NR5A2: variants seen among roughly 807,000 people sequenced by gnomAD.
NR5A2 encodes the protein nuclear receptor subfamily 5 group A member 2.
A neutral mutation model predicts 62.7 loss-of-function variants in NR5A2; 26 were observed. The observed-to-expected ratio is 0.41, with a 90% CI of 0.30 to 0.58. The LOEUF (loss-of-function observed/expected upper bound fraction) is 0.58. Ranked by LOEUF, NR5A2 falls within the 20% of genes least tolerant of loss-of-function variation. The pLI is 0.22. For synonymous variants in NR5A2, 246 were observed against 241.7 expected, an observed-to-expected ratio of 1.02 and a Z score of -0.16; for missense variants, 541 against 669.1, an observed-to-expected ratio of 0.81 and a Z score of 2.11.
At chr1:200,141,068 C>A (rs1221707500) in intron 7 of NR5A2, among the ~76,000 whole-genome samples, 28 of 151,902 alleles carry the variant, frequency 1.8e-4, no homozygotes, top group Admixed American at 1.8e-3. Context: ...AGGAAAATGG[C>A]ATTGGTATAG....
intron 7 of NR5A2, among the ~76,000 whole-genome samples, chr1:200,150,476 T>G (rs1653027418): frequency 6.6e-6 from 1 of 152,210 alleles, no homozygotes; most frequent in Admixed American, 6.5e-5. Context: ...GTTAAATAAT[T>G]CATACATTTG....
chr1:200,067,373 AT>A (rs1262523692), intron 5 of NR5A2, among the ~76,000 whole-genome samples: 1 of 152,240 alleles, frequency 6.6e-6, no homozygotes, highest in Non-Finnish European at 1.5e-5. Flanking sequence ...CCTAACCAAC[AT>A]GGAGAAACCC....
chr1:200,133,548 CACAT>C (rs1667071292), intron 7 of NR5A2, among the ~76,000 whole-genome samples: 1 of 132,786 alleles, frequency 7.5e-6, no homozygotes, highest in Non-Finnish European at 1.6e-5. Flanking sequence ...TATATATATA[CACAT>C]ATATACACAC....
chr1:200,143,459 A>T (rs1261922718), intron 7 of NR5A2, among the ~76,000 whole-genome samples: 2 of 151,464 alleles, frequency 1.3e-5, no homozygotes, highest in African/African-American at 4.8e-5. Flanking sequence ...TCCTTCTAAT[A>T]GCCTCCTTTT....
intron 7 of NR5A2, among the ~76,000 whole-genome samples, chr1:200,146,971 T>G (rs1307759380): frequency 6.6e-6 from 1 of 152,116 alleles, no homozygotes; most frequent in African/African-American, 2.4e-5. Context: ...CTTTTTTTTT[T>G]TTCTGGTTCC....
rs1170390048 is a variant in NR5A2 at position 200,048,179 on chromosome 1, G to A, written c.471G>A (p.Arg157=). Residue 157 remains arginine (R), a synonymous_variant, in exon 5 of 8, where the codon AGG becomes AGA. Coordinates refer to ENST00000367362, the MANE Select transcript of NR5A2 (RefSeq NM_205860.3). The surrounding 1 kb of genome is among the most constrained non-coding windows in gnomAD (Gnocchi z 4.8). ...LSVGMKLEAV[R]ADRMRGGRNK... Reference sequence around the variant, plus strand: ...CCACCCCACCCCCAACAGCTGTAAGGGCCGACCGAATGCGTGGAGGAAGGA... The same window carrying A: ...CCACCCCACCCCCAACAGCTGTAAGAGCCGACCGAATGCGTGGAGGAAGGA... 6.2e-7 allele frequency: 1 copy of A among 1,605,934 alleles called. No individual in the cohort carries two copies. Among genetic ancestry groups the A allele is most frequent in the African/African-American group, 1.3e-5 (1 of 74,496 alleles).
At chr1:200,056,776 C>A (rs935992103) in intron 5 of NR5A2, among the ~76,000 whole-genome samples, 1 of 152,094 alleles carries the variant, frequency 6.6e-6, no homozygotes, top group Non-Finnish European at 1.5e-5. Flanking sequence ...GCGTCCTGTT[C>A]GTATTAACCT....
rs1034556856 is a variant in NR5A2 at position 200,061,745 on chromosome 1, C to G, written c.1110+12927C>G. On this transcript the variant is annotated intron_variant, in intron 5 of 7. Coordinates refer to ENST00000367362, the MANE Select transcript of NR5A2 (RefSeq NM_205860.3). ...CAACCTGAGATCTTAAGGTCCTGGT[C>G]TCTGTCTTTCATTTTTGGGAGCACA... is the stretch of plus-strand genomic sequence containing the variant. Among the ~76,000 whole-genome samples, 4 of 152,272 alleles carry G rather than the reference C, an allele frequency of 2.6e-5. No individual in the cohort carries two copies. In the East Asian group the frequency reaches 5.8e-4, roughly 22 times the overall value.
intron 7 of NR5A2, among the ~76,000 whole-genome samples, chr1:200,125,961 G>A (rs1420237016): frequency 4.0e-5 from 6 of 151,812 alleles, no homozygotes; most frequent in Admixed American, 6.6e-5. Flanking sequence ...TGATCCTCTC[G>A]CCTCAGCCTC....
chr1:200,027,803 T>A lies in NR5A2; in HGVS notation c.-45T>A. 1.4e-6 allele frequency: 2 copies of A among 1,457,248 alleles called. No individual in the cohort carries two copies. Among genetic ancestry groups the A allele is most frequent in the Non-Finnish European group, 9.5e-7 (1 of 1,056,916 alleles). 90.3% of individuals were successfully genotyped at this position (1,457,248 alleles called of 1,614,324 possible). A position where few individuals can be genotyped will look rare whatever the true frequency, so the allele number is the denominator to read the frequency against. On this transcript the variant is annotated 5_prime_UTR_variant, in exon 1 of 8. An upstream start codon of the reference 5' UTR is lost. Coordinates refer to ENST00000367362, the MANE Select transcript of NR5A2 (RefSeq NM_205860.3). ...CAAGCTGCACTTTTCTTTTGCTCAA[T>A]GATTTCTGCTTTAAGCCAAAGAACT... is the stretch of plus-strand genomic sequence containing the variant.
intron 1 of NR5A2, among the ~76,000 whole-genome samples, chr1:200,034,865 A>G (rs1376795178): frequency 9.8e-5 from 13 of 133,242 alleles, no homozygotes; most frequent in African/African-American, 3.5e-4. Flanking sequence ...TAAAGCTTCG[A>G]TCAACACGAC....
chr1:200,174,348 A>C lies in NR5A2; in HGVS notation c.*138A>C. ...TTAAAAACTTGCTTTAAAGATATTGAATTTAAAAAGGCATAATAATCAAAT... is the reference window on the plus strand; with the variant it reads ...TTAAAAACTTGCTTTAAAGATATTGCATTTAAAAAGGCATAATAATCAAAT... On this transcript the variant is annotated 3_prime_UTR_variant, in exon 8 of 8. Coordinates refer to ENST00000367362, the MANE Select transcript of NR5A2 (RefSeq NM_205860.3). 2 of 884,834 alleles carry C rather than the reference A, an allele frequency of 2.3e-6. No individual in the cohort carries two copies. Among genetic ancestry groups the C allele is most frequent in the Non-Finnish European group, 3.1e-6 (2 of 643,014 alleles). The allele number at this position is 884,834 out of a possible 1,614,324, so 54.8% of individuals were successfully genotyped here.
rs114136900 is a variant in NR5A2 at position 200,056,940 on chromosome 1, G to A, written c.1110+8122G>A. ...ACCGCATACCTGACTGCCTCATTCT[G>A]TGTCCCTCCTGTTCGATATAGTCTG... On this transcript the variant is annotated intron_variant, in intron 5 of 7. Coordinates refer to ENST00000367362, the MANE Select transcript of NR5A2 (RefSeq NM_205860.3). Among the ~76,000 whole-genome samples the A allele has an allele frequency of 4.4e-3, 674 of 152,292 alleles. 6 individuals carry two copies. The highest frequency in any genetic ancestry group is 0.015 in the African/African-American group (638 of 41,568).
intron 7 of NR5A2, among the ~76,000 whole-genome samples, chr1:200,170,232 A>G (rs1190418480): frequency 2.0e-5 from 3 of 152,112 alleles, no homozygotes; most frequent in Non-Finnish European, 4.4e-5. Context: ...CTTGATTTTT[A>G]TTGGAGGGAC....
At chr1:200,155,754 A>G (rs1293493983) in intron 7 of NR5A2, among the ~76,000 whole-genome samples, 2 of 151,852 alleles carry the variant, frequency 1.3e-5, no homozygotes, top group African/African-American at 2.4e-5. Context: ...GCTCACTGCA[A>G]CCTCCACCTT....
intron 5 of NR5A2, among the ~76,000 whole-genome samples, chr1:200,090,279 C>T (rs1269194546): frequency 6.6e-6 from 1 of 152,148 alleles, no homozygotes; most frequent in Admixed American, 6.5e-5. Flanking sequence ...CAGTAGTTCC[C>T]ACACCTTTTG....
At chr1:200,101,368 T>A (rs1238531860) in intron 5 of NR5A2, among the ~76,000 whole-genome samples, 1 of 152,204 alleles carries the variant, frequency 6.6e-6, no homozygotes, top group Non-Finnish European at 1.5e-5. Context: ...AAACATGCCC[T>A]TGTACAAATC....
intron 5 of NR5A2, among the ~76,000 whole-genome samples, chr1:200,072,768 A>G (rs1663797858): frequency 6.6e-6 from 1 of 152,178 alleles, no homozygotes; most frequent in Non-Finnish European, 1.5e-5. Context: ...TAGCACCTCC[A>G]TCTCTGCTAC....
intron 7 of NR5A2, among the ~76,000 whole-genome samples, chr1:200,149,446 C>T (rs917130604): frequency 6.6e-6 from 1 of 152,218 alleles, no homozygotes; most frequent in African/African-American, 2.4e-5. Flanking sequence ...GCTGCCGAGG[C>T]TAACAGCCTC....
Sources: gnomAD v4.1 joint callset for allele counts (sites outside exome capture counted in the v4.1 genomes callset) on GRCh38, gnomAD v4.1.1 for gene constraint, Gnocchi (gnomAD v3.1) non-coding constraint, MANE v1.5 for transcripts, NCBI Gene and HGNC (gene_info 2026-07-23, HGNC 2026-07-21) for gene names.